KLF12: variants seen among roughly 807,000 people sequenced by gnomAD.
KLF12 encodes Krueppel-like factor 12.
A neutral mutation model predicts 37.8 loss-of-function variants in KLF12; 9 were observed. That is an observed-to-expected ratio of 0.24 (90% CI 0.14 to 0.42). The LOEUF (loss-of-function observed/expected upper bound fraction) is 0.42, where lower values mean the gene tolerates loss of function less well. Ranked by LOEUF, KLF12 falls within the 10% of genes least tolerant of loss-of-function variation. KLF12 has a pLI of 1.00. For missense variants in KLF12, 411 were observed against 516.0 expected, an observed-to-expected ratio of 0.80 and a Z score of 1.97; for synonymous variants, 208 against 202.1, an observed-to-expected ratio of 1.03 and a Z score of -0.25.
intron 6 of KLF12, among the ~76,000 whole-genome samples, chr13:73,732,448 C>T (rs547350375): frequency 1.3e-5 from 2 of 152,216 alleles, no homozygotes; most frequent in African/African-American, 2.4e-5. Context: ...TTAAGTAACT[C>T]ACCCAAGAAC....
chr13:74,260,431 G>A, the KLF12 span, among the ~76,000 whole-genome samples: 1 of 151,894 alleles, frequency 6.6e-6, no homozygotes, highest in Non-Finnish European at 1.5e-5. Context: ...TGGTGCACCT[G>A]TAGTCCTAGC....
chr13:73,772,746 T>C (rs771426459), intron 5 of KLF12, among the ~76,000 whole-genome samples: 6 of 152,114 alleles, frequency 3.9e-5, no homozygotes, highest in Non-Finnish European at 8.8e-5. Context: ...CGGATTTGTA[T>C]ACCAGAAAAA....
intron 3 of KLF12, among the ~76,000 whole-genome samples, chr13:73,859,746 G>T (rs1334974265): frequency 6.6e-6 from 1 of 151,896 alleles, no homozygotes; most frequent in Non-Finnish European, 1.5e-5. Flanking sequence ...CCTGCATTTT[G>T]TGCAGTGGTC....
At chr13:73,944,885 T>TA (rs1890348872) in intron 2 of KLF12, among the ~76,000 whole-genome samples, 1 of 152,218 alleles carries the variant, frequency 6.6e-6, no homozygotes, top group Non-Finnish European at 1.5e-5. Flanking sequence ...AGTGCTCGCC[T>TA]AAGGCCCAAA....
At chr13:73,922,677 G>A (rs1889171716) in intron 3 of KLF12, among the ~76,000 whole-genome samples, 1 of 152,002 alleles carries the variant, frequency 6.6e-6, no homozygotes, top group Non-Finnish European at 1.5e-5. Flanking sequence ...TTCTTGTCAG[G>A]CTCAATAAAT....
the KLF12 span, among the ~76,000 whole-genome samples, chr13:74,247,819 G>T: frequency 6.6e-6 from 1 of 152,056 alleles, no homozygotes; most frequent in Non-Finnish European, 1.5e-5. Flanking sequence ...TCCGTGAGAT[G>T]TAACAGTGAC....
chr13:74,222,329 T>C, the KLF12 span, among the ~76,000 whole-genome samples: 1 of 152,226 alleles, frequency 6.6e-6, no homozygotes, highest in Non-Finnish European at 1.5e-5. Context: ...AAAAATAGTT[T>C]ATGGTTTTGA....
chr13:74,199,634 C>T, the KLF12 span, among the ~76,000 whole-genome samples: 1 of 152,152 alleles, frequency 6.6e-6, no homozygotes, highest in African/African-American at 2.4e-5. Context: ...ATGGCAGAAT[C>T]ACAACTTTAT....
chr13:74,037,240 T>G (rs904409287), intron 1 of KLF12, among the ~76,000 whole-genome samples: 1 of 147,280 alleles, frequency 6.8e-6, no homozygotes, highest in Non-Finnish European at 1.5e-5. Flanking sequence ...TTCTGGAAAA[T>G]GTGAACTATT....
chr13:74,076,079 G>A (rs1874544270), intron 1 of KLF12, among the ~76,000 whole-genome samples: 1 of 152,070 alleles, frequency 6.6e-6, no homozygotes, highest in African/African-American at 2.4e-5. Context: ...TTGTGGTGAT[G>A]GTTGCACAAC....
chr13:73,845,559 T>G (rs1884968174), intron 4 of KLF12, among the ~76,000 whole-genome samples: 1 of 152,250 alleles, frequency 6.6e-6, no homozygotes, highest in South Asian at 2.1e-4. Flanking sequence ...AGTATTATTT[T>G]GCAAACTTAG....
the KLF12 span, among the ~76,000 whole-genome samples, chr13:74,278,574 A>G: frequency 2.0e-5 from 3 of 152,090 alleles, no homozygotes; most frequent in Admixed American, 1.3e-4. Flanking sequence ...CACATATTAA[A>G]TCCTCGTGGT....
intron 5 of KLF12, among the ~76,000 whole-genome samples, chr13:73,799,820 A>T (rs1346294647): frequency 2.0e-5 from 3 of 152,162 alleles, no homozygotes; most frequent in Admixed American, 6.6e-5. Flanking sequence ...CAACTACAAG[A>T]TCAATTTCAT....
chr13:73,851,824 A>G (rs898596444), intron 3 of KLF12, among the ~76,000 whole-genome samples: 3 of 152,196 alleles, frequency 2.0e-5, no homozygotes, highest in African/African-American at 7.2e-5. Flanking sequence ...ATGACTCCAC[A>G]TCCTTGGAGC....
chr13:74,130,645 C>CAA (rs5804718), intron 1 of KLF12, among the ~76,000 whole-genome samples: 2 of 131,454 alleles, frequency 1.5e-5, no homozygotes, highest in African/African-American at 3.0e-5. Context: ...GACCTCAACT[C>CAA]AAAAAAAAAA....
At chr13:74,237,998 G>A in the KLF12 span, among the ~76,000 whole-genome samples, 1 of 150,034 alleles carries the variant, frequency 6.7e-6, no homozygotes, top group East Asian at 1.9e-4. Flanking sequence ...TGGTGAGAGA[G>A]GGCATCCCTG....
At chr13:73,738,689 C>T (rs539007844) in intron 6 of KLF12, among the ~76,000 whole-genome samples, 4 of 152,152 alleles carry the variant, frequency 2.6e-5, no homozygotes, top group African/African-American at 9.6e-5. Flanking sequence ...GGTAAGATTA[C>T]CCTAAAAAGG....
chr13:73,723,500 TA>T (rs112588064), intron 6 of KLF12, among the ~76,000 whole-genome samples: 38 of 147,676 alleles, frequency 2.6e-4, no homozygotes, highest in African/African-American at 7.6e-4. Flanking sequence ...ACATAAACCT[TA>T]AAAAAAAAAA....
intron 3 of KLF12, among the ~76,000 whole-genome samples, chr13:73,884,092 A>G (rs1268418189): frequency 6.6e-6 from 1 of 152,226 alleles, no homozygotes. Context: ...CTAACAGAAT[A>G]AAACCTCAGT....
Sources: gnomAD v4.1 joint callset for allele counts (sites outside exome capture counted in the v4.1 genomes callset) on GRCh38, gnomAD v4.1.1 for gene constraint, MANE v1.5 for transcripts, NCBI Gene and HGNC (gene_info 2026-07-23, HGNC 2026-07-21) for gene names.